Variants in BCAP29 observed in about 807,000 individuals in gnomAD.
BCAP29 encodes the protein B cell receptor associated protein 29, also known as B-cell receptor-associated protein 29.
A neutral mutation model predicts 31.8 loss-of-function variants in BCAP29; 34 were observed. The observed-to-expected ratio is 1.07, with a 90% confidence interval of 0.81 to 1.42. The LOEUF is 1.42. Among genes scored for constraint, BCAP29 ranks in the 40% most tolerant of loss-of-function variants. The probability of loss-of-function intolerance (pLI) is 0.00; values close to 1 mark genes in which losing one functional copy is unlikely to be tolerated. For missense variants in BCAP29, 314 were observed against 269.2 expected (o/e 1.17, Z -1.16); for synonymous variants, 104 against 91.3 (o/e 1.14, Z -0.79).
chr7:107,594,166 A>AT, intron 4 of BCAP29, 61 bp downstream of exon 4: 6 of 1,461,054 alleles, frequency 4.1e-6, no homozygotes, highest in Non-Finnish European at 5.6e-6. Flanking sequence ...TTCCTTTCTC[A>AT]TTTTGTCCAC....
chr7:107,586,983 G>A (rs972511609), intron 3 of BCAP29, among the ~76,000 whole-genome samples: 19 of 152,004 alleles, frequency 1.2e-4, no homozygotes, highest in Middle Eastern at 3.4e-3. Context: ...CGCCCACTTC[G>A]GCTTCCCAAA....
At chr7:107,594,218 T>TCG in intron 4 of BCAP29, 113 bp downstream of exon 4, 1 of 974,176 alleles carries the variant, frequency 1.0e-6, no homozygotes, top group East Asian at 2.6e-5. Flanking sequence ...AGACAACCTT[T>TCG]CGCTCTGTTG....
chr7:107,618,308 T>C lies in BCAP29; in HGVS notation c.691-20T>C. The C allele has an allele frequency of 6.5e-7, 1 of 1,535,918 alleles. No homozygotes were observed. On this transcript the variant is annotated intron_variant, in intron 7 of 7. Coordinates refer to ENST00000005259, the MANE Select transcript of BCAP29 (RefSeq NM_018844.4). ...GTTTCTCTTTGCTGTACTACATAAA[T>C]CATATTTTTTTCCTTACAGGATCGT...
intron 6 of BCAP29, among the ~76,000 whole-genome samples, chr7:107,600,803 A>G (rs1811037550): frequency 6.6e-6 from 1 of 152,254 alleles, no homozygotes; most frequent in African/African-American, 2.4e-5. Flanking sequence ...TGTTTTTATA[A>G]AAAGAATCAC....
chr7:107,594,248 G>A (rs1809399765), intron 4 of BCAP29, 143 bp downstream of exon 4: 1 of 699,112 alleles, frequency 1.4e-6, no homozygotes. Flanking sequence ...CAGTGCAGTG[G>A]TGCCTTCATA....
At chr7:107,623,073 C>T (rs904098291), downstream of BCAP29, 4 of 152,018 alleles carry the variant, frequency 2.6e-5, no homozygotes, top group Admixed American at 6.6e-5. Context: ...GAAACATATG[C>T]TGCTATCTTA....
intron 7 of BCAP29, among the ~76,000 whole-genome samples, chr7:107,617,593 C>G (rs1035811589): frequency 6.6e-6 from 1 of 152,020 alleles, no homozygotes; most frequent in African/African-American, 2.4e-5. Flanking sequence ...TCCATAATAG[C>G]TTCATTAAAG....
downstream of BCAP29, chr7:107,622,035 CT>C (rs1815020578): frequency 2.3e-6 from 1 of 440,696 alleles, no homozygotes; most frequent in African/African-American, 2.0e-5. Flanking sequence ...CAAAGATAGC[CT>C]TAGCCATCTC....
chr7:107,617,000 A>G (rs1346127351), intron 7 of BCAP29, among the ~76,000 whole-genome samples: 2 of 152,104 alleles, frequency 1.3e-5, no homozygotes, highest in African/African-American at 4.8e-5. Flanking sequence ...GGGCCTTCCA[A>G]AGTGCTGGGA....
At chr7:107,618,172 G>A (rs895470501) in intron 7 of BCAP29, among the ~76,000 whole-genome samples, 156 bp from the exon 8 acceptor site, 1 of 152,062 alleles carries the variant, frequency 6.6e-6, no homozygotes, top group South Asian at 2.1e-4. Flanking sequence ...AAATTTTATA[G>A]TTTTTTAAAT....
rs115169101 is a variant in BCAP29, at chr7:107,595,878, G to A, written c.356G>A (p.Arg119His). ...FSLFFWLVLR[R>H]LVTLITQLAK... is the part of the protein sequence containing the mutation. ...GTTTTTTTTCTTAGAGTTTTGAGAC[G>A]TCTGGTTACGCTTATTACTCAACTG... The change falls in exon 5 of 8, where the codon CGT becomes CAT. Residue 119 changes from arginine (R) to histidine (H), a missense_variant. Coordinates refer to ENST00000005259, the MANE Select transcript of BCAP29 (RefSeq NM_018844.4). The A allele has an allele frequency of 4.9e-5, 78 of 1,595,902 alleles. 2 individuals are homozygous for A. The East Asian group carries it at 1.2e-3, about 24-fold the overall frequency.
chr7:107,581,279 C>G (rs1361891980), intron 2 of BCAP29, among the ~76,000 whole-genome samples: 1 of 152,206 alleles, frequency 6.6e-6, no homozygotes, highest in Non-Finnish European at 1.5e-5. Context: ...GGCACTGGAA[C>G]AGCAATTTAG....
chr7:107,621,215 C>G (rs1411062654), downstream of BCAP29: 1 of 160,432 alleles, frequency 6.2e-6, no homozygotes, highest in Non-Finnish European at 1.4e-5. Flanking sequence ...GTGAATATAA[C>G]CGTGCTTTTA....
At chr7:107,622,293 C>G (rs902357366), downstream of BCAP29, 4 of 163,086 alleles carry the variant, frequency 2.5e-5, no homozygotes, top group Admixed American at 6.3e-5. Flanking sequence ...TCATTCCCTG[C>G]TTGTCTTCCA....
Position 107,583,962 on chromosome 7 carries a change from TATTG to T in BCAP29, c.178_181del (p.Ile60PhefsTer4). ...AAGGCTTTCCTTACCATTATCATCC[TATTG>T]ATTGTTCTATTTCTAGGTAAGTACT... On this transcript the variant is annotated frameshift_variant, in exon 3 of 8. Transcript: ENST00000005259. LOFTEE classifies it high-confidence loss of function. 1.3e-6 allele frequency: 2 copies of T among 1,572,248 alleles called. No individual in the cohort carries two copies. Among genetic ancestry groups the T allele is most frequent in the Non-Finnish European group, 1.7e-6 (2 of 1,155,068 alleles).
chr7:107,611,477 AGTCAGCCACT>A (rs1359198990), intron 6 of BCAP29, among the ~76,000 whole-genome samples: 1 of 152,184 alleles, frequency 6.6e-6, no homozygotes, highest in East Asian at 1.9e-4. Flanking sequence ...ATTGCAGGCT[AGTCAGCCACT>A]ATTAGATTGT....
chr7:107,583,368 G>T (rs1563124231), intron 2 of BCAP29, among the ~76,000 whole-genome samples: 1 of 151,962 alleles, frequency 6.6e-6, no homozygotes, highest in South Asian at 2.1e-4. Flanking sequence ...TTCAATTTAT[G>T]TGTATAATAC....
chr7:107,615,946 G>C (rs1425786900), intron 7 of BCAP29: 1 of 152,356 alleles, frequency 6.6e-6, no homozygotes, highest in African/African-American at 2.4e-5. Flanking sequence ...TTTATCGAAA[G>C]TAACTAGAAA....
At chr7:107,606,359 T>A (rs2129273985) in intron 6 of BCAP29, among the ~76,000 whole-genome samples, 1 of 152,350 alleles carries the variant, frequency 6.6e-6, no homozygotes, top group Non-Finnish European at 1.5e-5. Flanking sequence ...CAAGAATTAT[T>A]TTCATTGTTG....
Sources: allele counts gnomAD v4.1 joint callset (sites outside exome capture counted in the v4.1 genomes callset), GRCh38; gene constraint gnomAD v4.1.1; transcripts MANE v1.5; gene names NCBI Gene and HGNC (gene_info 2026-07-23, HGNC 2026-07-21).